SORCS1: variants seen among roughly 807,000 people sequenced by gnomAD.
The protein encoded by SORCS1 is sortilin related VPS10 domain containing receptor 1.
SORCS1 carries 60 observed loss-of-function variants against 146.1 expected under a neutral mutation model. The ratio of observed to expected loss-of-function variants is 0.41; its 90% CI spans 0.33 to 0.51. The LOEUF (loss-of-function observed/expected upper bound fraction) is 0.51. SORCS1 is among the 20% of genes least tolerant of loss of function. SORCS1 has a pLI of 0.21. For missense variants in SORCS1, 1,352 were observed against 1,487.6 expected (o/e 0.91, Z 1.50); for synonymous variants, 637 against 584.0 (o/e 1.09, Z -1.31).
rs1291348177 is a variant in SORCS1 at position 107,078,761 on chromosome 10, A to G, written c.558+85208T>C. ...AGAAAACTACAACCCATATTTCCTA[A>G]TTTAGCACTTAACAATATTAAGGCC... On this transcript the variant is annotated intron_variant, in intron 1 of 25. Transcript: ENST00000263054. 2.0e-5 allele frequency among the ~76,000 whole-genome samples: 3 copies of G among 152,184 alleles called. No individual in the cohort carries two copies. The East Asian group carries it at 5.8e-4, about 29-fold the overall frequency.
At chr10:106,705,469 G>C (rs1854451773) in intron 8 of SORCS1, among the ~76,000 whole-genome samples, 1 of 152,068 alleles carries the variant, frequency 6.6e-6, no homozygotes, top group African/African-American at 2.4e-5. Context: ...CAGCTATCTG[G>C]TGTTGGTTCA....
chr10:107,093,875 C>T (rs183981475), intron 1 of SORCS1, among the ~76,000 whole-genome samples: 1 of 152,104 alleles, frequency 6.6e-6, no homozygotes, highest in African/African-American at 2.4e-5. Flanking sequence ...GTAACTTTAT[C>T]TTCTTGCTCT....
chr10:106,652,400 G>C lies in SORCS1; in HGVS notation c.2457C>G (p.Leu819=). Residue 819 remains leucine, a synonymous_variant, in exon 18 of 26, where the codon CTC becomes CTG. Transcript: ENST00000263054. The part of the protein sequence containing the change: ...LTAEQGHNVT[L]MVQLEEGDVQ... ...GTCCTACCTCTTCTAATTGCACCAT[G>C]AGAGTGACGTTGTGTCCTTGTTCCG... 1 of 1,614,124 alleles carries C rather than the reference G, an allele frequency of 6.2e-7. No individual in the cohort carries two copies. The highest frequency in any genetic ancestry group is 8.5e-7 in the Non-Finnish European group (1 of 1,179,970).
intron 1 of SORCS1, among the ~76,000 whole-genome samples, chr10:107,156,673 C>A (rs1837774088): frequency 6.6e-6 from 1 of 152,214 alleles, no homozygotes; most frequent in South Asian, 2.1e-4. Flanking sequence ...CATCAACAGG[C>A]AGTCCTTCAG....
intron 2 of SORCS1, among the ~76,000 whole-genome samples, chr10:106,954,628 T>C (rs1382719426): frequency 1.3e-5 from 2 of 152,162 alleles, no homozygotes; most frequent in African/African-American, 4.8e-5. Context: ...ATTTTTCAAA[T>C]GAATAGGTAC....
chr10:106,976,333 G>GTTTTTTTTTTTTTTTTTTT (rs1554901318), intron 1 of SORCS1, among the ~76,000 whole-genome samples: 5 of 113,812 alleles, frequency 4.4e-5, no homozygotes, highest in African/African-American at 1.2e-4. Flanking sequence ...AGGTTTTTTT[G>GTTTTTTTTTTTTTTTTTTT]TTTTTTTTTT....
At chr10:107,128,360 G>A (rs1966826253) in intron 1 of SORCS1, among the ~76,000 whole-genome samples, 1 of 152,184 alleles carries the variant, frequency 6.6e-6, no homozygotes, top group South Asian at 2.1e-4. Flanking sequence ...AGTTAGGGAA[G>A]TTGCAAATCT....
At chr10:106,731,688 G>C (rs1856610295) in intron 5 of SORCS1, among the ~76,000 whole-genome samples, 1 of 152,038 alleles carries the variant, frequency 6.6e-6, no homozygotes, top group Admixed American at 6.6e-5. Flanking sequence ...TTTCCAATAT[G>C]AAGGCATCCT....
At chr10:107,079,077 T>C (rs894133023) in intron 1 of SORCS1, among the ~76,000 whole-genome samples, 3 of 152,028 alleles carry the variant, frequency 2.0e-5, no homozygotes, top group Non-Finnish European at 4.4e-5. Context: ...TACAAAAAAA[T>C]TAGCCGGGCA....
chr10:106,655,244 A>G (rs570140161), intron 17 of SORCS1, among the ~76,000 whole-genome samples: 1 of 152,296 alleles, frequency 6.6e-6, no homozygotes, highest in African/African-American at 2.4e-5. Flanking sequence ...AGAGAGAAGG[A>G]AATAAAACAC....
At chr10:107,018,002 A>G (rs920192495) in intron 1 of SORCS1, among the ~76,000 whole-genome samples, 8 of 152,056 alleles carry the variant, frequency 5.3e-5, no homozygotes, top group African/African-American at 1.9e-4. Flanking sequence ...GAAGCAGCTC[A>G]TAAGACTCTC....
chr10:106,610,802 G>A (rs191131663), intron 22 of SORCS1, among the ~76,000 whole-genome samples: 238 of 152,312 alleles, frequency 1.6e-3, no homozygotes, highest in Non-Finnish European at 2.0e-3. Context: ...ATAAGGGGCC[G>A]ACGCAGTGGC....
chr10:106,715,412 G>A (rs766461734), intron 6 of SORCS1, among the ~76,000 whole-genome samples: 2 of 152,182 alleles, frequency 1.3e-5, no homozygotes, highest in East Asian at 1.9e-4. Context: ...CCCAAAACCT[G>A]TGCTGTTCTA....
At chr10:106,989,668 CTGTTTTTTTTTGT>C (rs1956665462) in intron 1 of SORCS1, among the ~76,000 whole-genome samples, 2 of 127,220 alleles carry the variant, frequency 1.6e-5, no homozygotes, top group Non-Finnish European at 3.2e-5. Flanking sequence ...CATATTTTTT[CTGTTTTTTTTTGT>C]TTTTTTTTTT....
chr10:106,673,987 T>C (rs1227644757), intron 14 of SORCS1, among the ~76,000 whole-genome samples: 2 of 151,938 alleles, frequency 1.3e-5, no homozygotes, highest in Non-Finnish European at 2.9e-5. Flanking sequence ...CTATTAGGCA[T>C]ATTAGATTTT....
At chr10:107,037,479 A>C (rs752295809) in intron 1 of SORCS1, among the ~76,000 whole-genome samples, 1 of 152,248 alleles carries the variant, frequency 6.6e-6, no homozygotes, top group Non-Finnish European at 1.5e-5. Flanking sequence ...TTGCATTTCT[A>C]TCTGGCTCCC....
At chr10:106,606,272 TATACACACACACACACACAC>T (rs922569716) in intron 23 of SORCS1, among the ~76,000 whole-genome samples, 8 of 107,844 alleles carry the variant, frequency 7.4e-5, no homozygotes, top group African/African-American at 2.3e-4. Flanking sequence ...CACACACAGA[TATACACACACACACACACAC>T]ACACACACAC....
intron 22 of SORCS1, among the ~76,000 whole-genome samples, chr10:106,609,507 G>T (rs1214640091): frequency 1.1e-4 from 16 of 152,164 alleles, no homozygotes; most frequent in Admixed American, 1.0e-3. Flanking sequence ...GGTCCCTTGG[G>T]ACTTAAAAAA....
intron 2 of SORCS1, among the ~76,000 whole-genome samples, chr10:106,940,027 C>T (rs912802143): frequency 6.6e-6 from 1 of 152,122 alleles, no homozygotes; most frequent in Non-Finnish European, 1.5e-5. Context: ...ATTCAATGCG[C>T]CAGACATTAC....
Sources: gnomAD v4.1 joint callset for allele counts (sites outside exome capture counted in the v4.1 genomes callset) on GRCh38, gnomAD v4.1.1 for gene constraint, MANE v1.5 for transcripts, NCBI Gene and HGNC (gene_info 2026-07-23, HGNC 2026-07-21) for gene names.